Variants in RNF10 observed in about 807,000 individuals in gnomAD.
RNF10 encodes the protein ring finger protein 10.
In RNF10, 38 loss-of-function variants were observed where a neutral mutation model predicts 91.4. That is an observed-to-expected ratio of 0.42 (90% CI 0.32 to 0.54). The LOEUF is 0.54. RNF10 is among the 20% of genes least tolerant of loss of function. RNF10 has a pLI of 0.16. For missense variants in RNF10, 945 were observed against 1,012.0 expected, an observed-to-expected ratio of 0.93 and a Z score of 0.90; for synonymous variants, 364 against 366.3, an observed-to-expected ratio of 0.99 and a Z score of 0.07.
intron 3 of RNF10, among the ~76,000 whole-genome samples, chr12:120,553,378 A>G (rs1455825185): frequency 7.4e-6 from 1 of 135,116 alleles, no homozygotes; most frequent in Non-Finnish European, 1.6e-5. Flanking sequence ...ATGAGCCACC[A>G]TGCCCAGCCA....
At chr12:120,562,488 G>A (rs1219621851) in intron 7 of RNF10, among the ~76,000 whole-genome samples, 2 of 151,718 alleles carry the variant, frequency 1.3e-5, no homozygotes, top group Non-Finnish European at 2.9e-5. Context: ...TGGTCAGGGT[G>A]GTCTTGAACT....
rs34120761 is a variant in RNF10, at chr12:120,559,176, C to CTTTTT, written c.967+1513_967+1517dup. Among the ~76,000 whole-genome samples, 58 of 95,780 alleles carry CTTTTT rather than the reference C, an allele frequency of 6.1e-4. 3 individuals carry two copies. Among genetic ancestry groups the CTTTTT allele is most frequent in the Middle Eastern group, 6.0e-3 (1 of 168 alleles). 62.8% of individuals were successfully genotyped at this position (95,780 alleles called of 152,430 possible). The stretch of plus-strand genomic sequence containing the variant: ...GTTGATAGGCTGGTCTTGAACTACT[C>CTTTTT]TTTTTTTTTTTTTTTTTTTTTTTGA... On this transcript the variant is annotated intron_variant, in intron 6 of 16. Transcript: ENST00000325954.
chr12:120,577,059 G>C lies in RNF10; in HGVS notation c.*393G>C. The C allele has an allele frequency of 2.5e-6, 1 of 395,932 alleles. No homozygotes were observed. The highest frequency in any genetic ancestry group is 4.9e-6 in the Non-Finnish European group (1 of 202,618). 24.5% of individuals were successfully genotyped at this position (395,932 alleles called of 1,614,324 possible). On this transcript the variant is annotated 3_prime_UTR_variant, in exon 17 of 17. Transcript: ENST00000325954. ...TGTAGCATCATGTCAGGGCTTCCTG[G>C]ACTCAGTACACCTCTCAGTTTGTCT... is the stretch of plus-strand genomic sequence containing the variant.
At chr12:120,562,343 C>T (rs377281032) in intron 7 of RNF10, among the ~76,000 whole-genome samples, 15 of 136,838 alleles carry the variant, frequency 1.1e-4, no homozygotes, top group African/African-American at 3.5e-4. Flanking sequence ...GGCGTGATCT[C>T]GGCTCATCAC....
rs1385939677 is a variant in RNF10 at position 120,552,593 on chromosome 12, C to A, written c.449C>A (p.Pro150His). ...CACTTGTTGAATTTCACTTTTGAACCCCGTGGCCAGACGGGTCACTTTGAA... is the reference window on the plus strand; with the variant it reads ...CACTTGTTGAATTTCACTTTTGAACACCGTGGCCAGACGGGTCACTTTGAA... ...LNHLLNFTFE[P>H]RGQTGHFEGS... The change falls in exon 3 of 17, where the codon CCC becomes CAC. Residue 150 changes from proline to histidine, a missense_variant. Coordinates refer to ENST00000325954, the MANE Select transcript of RNF10 (RefSeq NM_014868.5). 6.2e-7 allele frequency: 1 copy of A among 1,614,004 alleles called. No individual in the cohort carries two copies. The highest frequency in any genetic ancestry group is 1.3e-5 in the African/African-American group (1 of 74,904).
intron 1 of RNF10, chr12:120,539,291 T>C (rs1238448105): frequency 4.4e-6 from 3 of 687,754 alleles, no homozygotes; most frequent in Non-Finnish European, 6.8e-6. Context: ...AAGCTTTGTA[T>C]AATCACACTT....
In RNF10 at chr12:120,563,814, A is replaced by G; in HGVS notation, c.1536A>G (p.Glu512=). ...SSPCYYFYQA[E]DGQHMFLHPV... ...GATAGAGCCCCTTGTCCTCAGCGGA[A>G]GATGGACAGCATATGTTCCTGCACC... Residue 512 remains glutamate (E), a synonymous_variant, in exon 10 of 17, where the codon GAA becomes GAG. Transcript: ENST00000325954. The G allele has an allele frequency of 2.5e-6, 4 of 1,614,072 alleles. No individual in the cohort carries two copies. Among genetic ancestry groups the G allele is most frequent in the Non-Finnish European group, 3.4e-6 (4 of 1,179,982 alleles).
At chr12:120,569,697 C>T (rs1011361267) in intron 13 of RNF10, among the ~76,000 whole-genome samples, 1 of 151,812 alleles carries the variant, frequency 6.6e-6, no homozygotes, top group Non-Finnish European at 1.5e-5. Context: ...ACCACCATAC[C>T]CTGCTAATTT....
chr12:120,562,780 G>A (rs1014502100), intron 7 of RNF10, among the ~76,000 whole-genome samples, 165 bp from the exon 8 acceptor site: 2 of 152,118 alleles, frequency 1.3e-5, no homozygotes, highest in African/African-American at 4.8e-5. Context: ...TTTGCTTCCT[G>A]TTTCCCTCAA....
intron 4 of RNF10, among the ~76,000 whole-genome samples, chr12:120,555,552 A>G (rs943592059): frequency 1.2e-4 from 18 of 150,260 alleles, no homozygotes; most frequent in Admixed American, 2.0e-4. Context: ...CAGTGGTGCA[A>G]TCTTGGCTCA....
At chr12:120,562,271 C>CTTTTT (rs71076634) in intron 7 of RNF10, among the ~76,000 whole-genome samples, 31 of 100,116 alleles carry the variant, frequency 3.1e-4, no homozygotes, top group African/African-American at 9.9e-4. Flanking sequence ...TTCTTTCTTT[C>CTTTTT]TTTTTTTTTT....
chr12:120,548,703 A>G (rs1423435357), intron 2 of RNF10, among the ~76,000 whole-genome samples: 1 of 125,574 alleles, frequency 8.0e-6, no homozygotes. Context: ...CTGTCCCCCC[A>G]GGCTGGAGAG....
rs749094770 is a variant in RNF10, at chr12:120,560,708, T to G, written c.968-18T>G. 1 of 1,604,146 alleles carries G rather than the reference T, an allele frequency of 6.2e-7. No homozygotes were observed. Among genetic ancestry groups the G allele is most frequent in the Non-Finnish European group, 8.5e-7 (1 of 1,172,092 alleles). ...CTTTGAATGTTGCATTTCTTTGATCTTGCTGGCATTCTTATAGATGAACAG... is the reference window on the plus strand; with the variant it reads ...CTTTGAATGTTGCATTTCTTTGATCGTGCTGGCATTCTTATAGATGAACAG... On this transcript the variant is annotated intron_variant, in intron 6 of 16. Transcript: ENST00000325954.
chr12:120,561,198 C>T (rs1435619835), intron 7 of RNF10, among the ~76,000 whole-genome samples: 1 of 152,098 alleles, frequency 6.6e-6, no homozygotes, highest in African/African-American at 2.4e-5. Context: ...TAGCTATGTT[C>T]TTAAAGCAAG....
At chr12:120,570,441 C>T (rs1876460481) in intron 13 of RNF10, among the ~76,000 whole-genome samples, 1 of 152,168 alleles carries the variant, frequency 6.6e-6, no homozygotes, top group African/African-American at 2.4e-5. Flanking sequence ...CCACCTCAGC[C>T]TCCCAAAGTG....
intron 6 of RNF10, 36 bp downstream of exon 6, chr12:120,557,718 G>A (rs1290298920): frequency 1.2e-6 from 2 of 1,609,902 alleles, no homozygotes; most frequent in African/African-American, 2.7e-5. Flanking sequence ...AATAATCCTG[G>A]GTACATTCTT....
chr12:120,571,109 G>T, intron 13 of RNF10, 82 bp from the exon 14 acceptor site: 2 of 826,666 alleles, frequency 2.4e-6, no homozygotes, highest in South Asian at 1.5e-5. Flanking sequence ...TTCCAGACCT[G>T]ACTCAGGGCT....
intron 14 of RNF10, among the ~76,000 whole-genome samples, chr12:120,571,616 G>T (rs575880498): frequency 6.6e-6 from 1 of 152,304 alleles, no homozygotes; most frequent in Non-Finnish European, 1.5e-5. Flanking sequence ...TACTGTAGAC[G>T]TACCCAGGAA....
rs1875256260 is a variant in RNF10, at chr12:120,563,687, T to C, written c.1531+64T>C. 2.5e-6 allele frequency: 4 copies of C among 1,568,940 alleles called. No homozygotes were observed. In the East Asian group the frequency reaches 6.7e-5, roughly 26 times the overall value. ...GTGTTTCAGAGGTGACCCGGTGCTCTAAGCAGAGGAGCGCCACTAGATCCT... is the reference window on the plus strand; with the variant it reads ...GTGTTTCAGAGGTGACCCGGTGCTCCAAGCAGAGGAGCGCCACTAGATCCT... On this transcript the variant is annotated intron_variant, in intron 9 of 16. Transcript: ENST00000325954.
Sources: gnomAD v4.1 joint callset for allele counts (sites outside exome capture counted in the v4.1 genomes callset) on GRCh38, gnomAD v4.1.1 for gene constraint, MANE v1.5 for transcripts, NCBI Gene and HGNC (gene_info 2026-07-23, HGNC 2026-07-21) for gene names.